Variants in VTI1A observed in about 807,000 individuals in gnomAD.
The protein encoded by VTI1A is vesicle transport through interaction with t-SNAREs 1A.
A neutral mutation model predicts 34.9 loss-of-function variants in VTI1A; 22 were observed. The observed-to-expected ratio is 0.63, with a 90% CI of 0.45 to 0.90. VTI1A has a LOEUF of 0.90. Ranked by LOEUF, VTI1A falls within the 40% of genes least tolerant of loss-of-function variation. The pLI, the probability that VTI1A is intolerant of heterozygous loss-of-function variation, is 0.00. For synonymous variants in VTI1A, 87 were observed against 97.3 expected (o/e 0.89, Z 0.62); for missense variants, 268 against 275.6 (o/e 0.97, Z 0.20).
chr10:112,848,484 A>T, the VTI1A span, among the ~76,000 whole-genome samples: 1 of 152,210 alleles, frequency 6.6e-6, no homozygotes, highest in Non-Finnish European at 1.5e-5. Flanking sequence ...AGAGCAGAGA[A>T]ACCTCAAGAG....
chr10:112,460,246 T>A (rs1490891169), intron 1 of VTI1A, among the ~76,000 whole-genome samples: 1 of 152,218 alleles, frequency 6.6e-6, no homozygotes, highest in South Asian at 2.1e-4. Context: ...TAGTCTCTCC[T>A]AAAGGGCAAC....
intron 5 of VTI1A, among the ~76,000 whole-genome samples, chr10:112,573,621 C>G (rs1310905748): frequency 6.6e-6 from 1 of 152,194 alleles, no homozygotes; most frequent in Non-Finnish European, 1.5e-5. Context: ...GCCAATTCCA[C>G]CATTCACTGT....
chr10:112,467,108 T>C (rs1283643573), intron 3 of VTI1A, among the ~76,000 whole-genome samples: 1 of 152,214 alleles, frequency 6.6e-6, no homozygotes. Context: ...AGAGACACAA[T>C]TCAGTTCATA....
intron 7 of VTI1A, among the ~76,000 whole-genome samples, chr10:112,778,097 C>T (rs1213172739): frequency 2.6e-5 from 4 of 151,518 alleles, no homozygotes; most frequent in Admixed American, 2.6e-4. Flanking sequence ...AGCAAAACTC[C>T]ATCTCAAAAA....
At chr10:112,851,155 G>A in the VTI1A span, among the ~76,000 whole-genome samples, 9 of 152,354 alleles carry the variant, frequency 5.9e-5, no homozygotes, top group East Asian at 1.5e-3. Context: ...TCAGATTGGA[G>A]CAGAACTTAA....
intron 5 of VTI1A, among the ~76,000 whole-genome samples, chr10:112,646,633 C>T (rs1421206319): frequency 3.3e-5 from 5 of 151,894 alleles, no homozygotes; most frequent in Non-Finnish European, 7.4e-5. Context: ...CTCAGCCTCC[C>T]GAGTAGCTGG....
At chr10:112,740,680 A>G (rs147798904) in intron 7 of VTI1A, among the ~76,000 whole-genome samples, 24 of 152,358 alleles carry the variant, frequency 1.6e-4, no homozygotes, top group South Asian at 1.2e-3. Flanking sequence ...ACAAGTGCTG[A>G]CAAGGATATG....
At chr10:112,576,117 T>C (rs1015697253) in intron 5 of VTI1A, among the ~76,000 whole-genome samples, 4 of 150,032 alleles carry the variant, frequency 2.7e-5, no homozygotes, top group Non-Finnish European at 4.4e-5. Flanking sequence ...GCCTCCCGGG[T>C]TCACGCCGTT....
chr10:112,785,291 C>T (rs1301063659), intron 7 of VTI1A, among the ~76,000 whole-genome samples: 1 of 152,172 alleles, frequency 6.6e-6, no homozygotes, highest in African/African-American at 2.4e-5. Flanking sequence ...GAATCCTTGT[C>T]AGAGGAATGA....
chr10:112,658,717 T>C (rs1847330054), intron 5 of VTI1A, among the ~76,000 whole-genome samples: 3 of 152,198 alleles, frequency 2.0e-5, no homozygotes, highest in Admixed American at 2.0e-4. Flanking sequence ...GGATAGTACC[T>C]GGCTGTTCTA....
chr10:112,734,714 G>A (rs1006089032), intron 7 of VTI1A, among the ~76,000 whole-genome samples: 13 of 150,242 alleles, frequency 8.7e-5, no homozygotes, highest in African/African-American at 2.5e-4. Flanking sequence ...GTGCAGTGGC[G>A]CGATCTCGGC....
chr10:112,469,017 A>C (rs1435649067), intron 3 of VTI1A, among the ~76,000 whole-genome samples: 1 of 152,150 alleles, frequency 6.6e-6, no homozygotes, highest in Non-Finnish European at 1.5e-5. Context: ...CCTGTACACC[A>C]TTCCATAATT....
intron 7 of VTI1A, among the ~76,000 whole-genome samples, chr10:112,687,272 C>T (rs1402008296): frequency 9.5e-6 from 1 of 104,878 alleles, no homozygotes; most frequent in Non-Finnish European, 1.8e-5. Context: ...TTTGCTCTGT[C>T]TCCCAGGCCG....
intron 5 of VTI1A, among the ~76,000 whole-genome samples, chr10:112,588,892 T>A (rs970769264): frequency 1.1e-4 from 17 of 152,202 alleles, no homozygotes; most frequent in Admixed American, 8.5e-4. Flanking sequence ...TTACCTCTCC[T>A]GACACCTTCA....
intron 5 of VTI1A, among the ~76,000 whole-genome samples, chr10:112,561,332 A>G (rs995410437): frequency 6.6e-6 from 1 of 152,206 alleles, no homozygotes; most frequent in Non-Finnish European, 1.5e-5. Context: ...TTTTTAGGCT[A>G]CAAAATTAAT....
chr10:112,448,985 G>A (rs1231772135), intron 1 of VTI1A: 1 of 152,230 alleles, frequency 6.6e-6, no homozygotes, highest in Non-Finnish European at 1.5e-5. Context: ...AGAGGTTTAT[G>A]AGTCCAAGTA....
At chr10:112,848,179 T>TC in the VTI1A span, among the ~76,000 whole-genome samples, 1 of 152,166 alleles carries the variant, frequency 6.6e-6, no homozygotes, top group Non-Finnish European at 1.5e-5. Flanking sequence ...GCTCTCCCAA[T>TC]CCCCTCCTTG....
At chr10:112,546,082 A>G (rs1851102403) in intron 5 of VTI1A, among the ~76,000 whole-genome samples, 1 of 150,128 alleles carries the variant, frequency 6.7e-6, no homozygotes, top group South Asian at 2.1e-4. Context: ...ATATACGTGT[A>G]TACGCGTATG....
chr10:112,590,485 G>A (rs1220315355), intron 5 of VTI1A, among the ~76,000 whole-genome samples: 1 of 152,072 alleles, frequency 6.6e-6, no homozygotes, highest in Non-Finnish European at 1.5e-5. Context: ...TTGAGCCCAG[G>A]AGTTCAAGAT....
Sources: gnomAD v4.1 joint callset for allele counts (sites outside exome capture counted in the v4.1 genomes callset) on GRCh38, gnomAD v4.1.1 for gene constraint, MANE v1.5 for transcripts, NCBI Gene and HGNC (gene_info 2026-07-23, HGNC 2026-07-21) for gene names.